PKP2: variants seen among roughly 807,000 people sequenced by gnomAD.
PKP2 encodes plakophilin 2.
A neutral mutation model predicts 83.4 loss-of-function variants in PKP2; 73 were observed. That is an observed-to-expected ratio of 0.88 (90% CI 0.72 to 1.06). PKP2 has a LOEUF of 1.06. PKP2 is among the 50% of genes least tolerant of loss of function. PKP2 has a pLI of 0.00. For missense variants in PKP2, 966 were observed against 1,065.4 expected, an observed-to-expected ratio of 0.91 and a Z score of 1.30; for synonymous variants, 409 against 430.4, an observed-to-expected ratio of 0.95 and a Z score of 0.62.
intron 10 of PKP2, among the ~76,000 whole-genome samples, 182 bp downstream of exon 10, chr12:32,802,221 T>G (rs1956187562): frequency 6.6e-6 from 1 of 152,078 alleles, no homozygotes; most frequent in Non-Finnish European, 1.5e-5. Flanking sequence ...AAATCTCTGG[T>G]GAGATCCACT....
intron 4 of PKP2, among the ~76,000 whole-genome samples, chr12:32,867,267 G>A (rs1395280218): frequency 1.3e-5 from 2 of 152,218 alleles, no homozygotes; most frequent in African/African-American, 4.8e-5. Flanking sequence ...AGTTGAGGCT[G>A]CAGTGAGCTG....
At chr12:32,839,538 T>C (rs1331516633) in intron 6 of PKP2, among the ~76,000 whole-genome samples, 1 of 151,942 alleles carries the variant, frequency 6.6e-6, no homozygotes, top group Non-Finnish European at 1.5e-5. Context: ...CTAGGAATGC[T>C]GAATTCTGTC....
intron 1 of PKP2, among the ~76,000 whole-genome samples, chr12:32,889,456 G>T (rs149409312): frequency 6.6e-6 from 1 of 152,318 alleles, no homozygotes; most frequent in African/African-American, 2.4e-5. Flanking sequence ...CTTCCAAAGA[G>T]ATTTTGACAG....
intron 6 of PKP2, among the ~76,000 whole-genome samples, chr12:32,836,389 A>G (rs1956545443): frequency 1.3e-5 from 2 of 152,372 alleles, no homozygotes; most frequent in Middle Eastern, 3.4e-3. Context: ...ATGTTCTCTT[A>G]GATGAGTGAT....
At chr12:32,821,720 TTCTTCCTAATAACACTC>T (rs1956380991) in intron 8 of PKP2, 191 bp from the exon 9 acceptor site, 1 of 585,596 alleles carries the variant, frequency 1.7e-6, no homozygotes, top group African/African-American at 1.9e-5. Context: ...TAATGATTAT[TTCTTCCTAATAACACTC>T]CACACCCCTA....
At chr12:32,831,394 C>A (rs1223929383) in intron 6 of PKP2, among the ~76,000 whole-genome samples, 1 of 152,064 alleles carries the variant, frequency 6.6e-6, no homozygotes, top group Non-Finnish European at 1.5e-5. Flanking sequence ...TGGAATAAGA[C>A]CTTGTGTCAC....
In PKP2 at chr12:32,791,493, T is replaced by C. The variant is rs950200139; in HGVS notation, c.*931A>G. ...CAGGCAGTCTGAGAGAAGGCCTTAG[T>C]TCCTCTTGCAGATAAAGATAGAGTC... On this transcript the variant is annotated 3_prime_UTR_variant, in exon 13 of 13. Transcript: ENST00000340811. 1.3e-5 allele frequency: 2 copies of C among 152,172 alleles called. No homozygotes were observed. The highest frequency in any genetic ancestry group is 6.5e-5 in the Admixed American group (1 of 15,270). The allele number at this position is 152,172 out of a possible 1,614,324, so 9.4% of individuals were successfully genotyped here. A position where few individuals can be genotyped will look rare whatever the true frequency, so the allele number is the denominator to read the frequency against.
chr12:32,830,904 T>A (rs1956494908), intron 6 of PKP2, among the ~76,000 whole-genome samples: 1 of 145,464 alleles, frequency 6.9e-6, no homozygotes, highest in Non-Finnish European at 1.5e-5. Flanking sequence ...AGACTGCATC[T>A]AAAAAAAAAA....
chr12:32,833,060 T>A lies in PKP2; in HGVS notation c.1556+7968A>T, dbSNP rs1422063044. Among the ~76,000 whole-genome samples, 4 of 152,076 alleles carry A rather than the reference T, an allele frequency of 2.6e-5. No homozygotes were observed. In the South Asian group the frequency reaches 8.3e-4, roughly 32 times the overall value. On this transcript the variant is annotated intron_variant, in intron 6 of 12. Coordinates refer to ENST00000340811, the MANE Select transcript of PKP2 (RefSeq NM_001005242.3). Reference sequence around the variant, plus strand: ...GAGTTTGAGACCAGCCTGGCCAATATGGTGAAACCCCGTCTCTACTAAAAA... The same window carrying A: ...GAGTTTGAGACCAGCCTGGCCAATAAGGTGAAACCCCGTCTCTACTAAAAA...
intron 9 of PKP2, among the ~76,000 whole-genome samples, chr12:32,812,830 C>A (rs528245473): frequency 6.6e-6 from 1 of 152,104 alleles, no homozygotes; most frequent in South Asian, 2.1e-4. Flanking sequence ...TGGGAAAACT[C>A]ATCACTATTT....
Position 32,868,943 on chromosome 12 carries a change from G to C in PKP2, c.1154C>G (p.Ser385Cys), listed in dbSNP as rs1956873230. ...TFIQHECFQK[S>C]EARKRVNQLR... ...GACACTCACCCTCTTCCGAGCTTCA[G>C]ATTTCTGGAAGCACTCGTGCTGTAT... The change falls in exon 4 of 13, where the codon TCT becomes TGT. Residue 385 changes from serine to cysteine, a missense_variant. Ser to Cys is a moderately radical substitution (Grantham distance 112). Coordinates refer to ENST00000340811, the MANE Select transcript of PKP2 (RefSeq NM_001005242.3). The C allele has an allele frequency of 3.1e-6, 5 of 1,613,408 alleles. No homozygotes were observed. The East Asian group carries it at 6.7e-5, about 22-fold the overall frequency.
chr12:32,824,412 A>C (rs1370328872), intron 6 of PKP2: 1 of 484,500 alleles, frequency 2.1e-6, no homozygotes, highest in African/African-American at 2.0e-5. Context: ...TACCATGATC[A>C]AAACATTATT....
rs2137912650 is a variant in PKP2, at chr12:32,866,789, C to T, written c.1170+2138G>A. ...TCTTAAAAAGTCAAACATACACCTA[C>T]CATACCATCCAGGCATTTACTCCTA... On this transcript the variant is annotated intron_variant, in intron 4 of 12. Transcript: ENST00000340811. Among the ~76,000 whole-genome samples, 2 of 152,184 alleles carry T rather than the reference C, an allele frequency of 1.3e-5. 1 individual carries two copies. The highest frequency in any genetic ancestry group is 6.8e-3 in the Middle Eastern group (2 of 294).
At chr12:32,826,349 A>G (rs1445425833) in intron 6 of PKP2, among the ~76,000 whole-genome samples, 2 of 151,080 alleles carry the variant, frequency 1.3e-5, no homozygotes, top group Admixed American at 1.3e-4. Context: ...TGAGAGGAAG[A>G]TGCACAATAT....
intron 1 of PKP2, chr12:32,893,744 T>G (rs182206994): frequency 7.9e-5 from 12 of 152,228 alleles, no homozygotes; most frequent in Non-Finnish European, 1.8e-4. Context: ...AGGACCAAGA[T>G]AGTGCCCTTT....
intron 3 of PKP2, among the ~76,000 whole-genome samples, chr12:32,874,937 C>T (rs1437529922): frequency 1.3e-5 from 2 of 151,906 alleles, no homozygotes; most frequent in Admixed American, 6.6e-5. Flanking sequence ...AGTGGGGTCT[C>T]GGGGTCTCCC....
intron 3 of PKP2, among the ~76,000 whole-genome samples, chr12:32,871,700 G>A (rs1298516165): frequency 1.3e-5 from 2 of 151,834 alleles, no homozygotes; most frequent in Non-Finnish European, 2.9e-5. Flanking sequence ...TCCTGACCTC[G>A]TGATCCACCC....
intron 1 of PKP2, among the ~76,000 whole-genome samples, chr12:32,885,400 TC>T (rs1957022299): frequency 6.6e-6 from 1 of 152,188 alleles, no homozygotes; most frequent in African/African-American, 2.4e-5. Context: ...ACGCCTGTAA[TC>T]CCAGCACTTT....
intron 4 of PKP2, among the ~76,000 whole-genome samples, chr12:32,858,109 A>G (rs1407932577): frequency 9.1e-5 from 9 of 98,556 alleles, no homozygotes; most frequent in South Asian, 3.0e-4. Context: ...ATATATATAT[A>G]TATATATTTA....
Sources: allele counts gnomAD v4.1 joint callset (sites outside exome capture counted in the v4.1 genomes callset), GRCh38; gene constraint gnomAD v4.1.1; transcripts MANE v1.5; gene names NCBI Gene and HGNC (gene_info 2026-07-23, HGNC 2026-07-21).